GEMIN5: variants seen among roughly 807,000 people sequenced by gnomAD.
GEMIN5 encodes the protein gem-associated protein 5.
GEMIN5 carries 124 observed loss-of-function variants against 176.9 expected under a neutral mutation model. The observed-to-expected ratio is 0.70, with a 90% CI of 0.61 to 0.81. The LOEUF is 0.81. Among genes scored for constraint, GEMIN5 ranks in the 40% least tolerant of loss-of-function variants. The pLI is 0.00. For missense variants in GEMIN5, 1,843 were observed against 1,814.6 expected (o/e 1.02, Z -0.28); for synonymous variants, 673 against 665.2 (o/e 1.01, Z -0.18).
At chr5:154,930,336 T>G (rs1764136013) in intron 5 of GEMIN5, among the ~76,000 whole-genome samples, 1 of 152,228 alleles carries the variant, frequency 6.6e-6, no homozygotes, top group African/African-American at 2.4e-5. Flanking sequence ...TCACCATTGC[T>G]CCATCTGTAA....
chr5:154,904,081 G>C (rs145720289), intron 18 of GEMIN5, among the ~76,000 whole-genome samples: 37 of 151,962 alleles, frequency 2.4e-4, no homozygotes, highest in African/African-American at 7.7e-4. Flanking sequence ...CAAAGCAAAA[G>C]CTTCCATCAA....
At chr5:154,913,834 C>CA (rs1233245338) in intron 13 of GEMIN5, among the ~76,000 whole-genome samples, 3 of 151,674 alleles carry the variant, frequency 2.0e-5, no homozygotes, top group African/African-American at 7.3e-5. Flanking sequence ...AAGGAAAACA[C>CA]AAAAAACAAA....
In GEMIN5 at chr5:154,892,500, T is replaced by A; in HGVS notation, c.3647A>T (p.Gln1216Leu). ...CACAGCCTCGTCCCAGGAGGCCATC[T>A]GTTGGCTCAGCACTGCCAGGGTCAA... ...HDLTLAVLSQ[Q>L]MASWDEAVQA... is the part of the protein sequence containing the mutation. The change falls in exon 25 of 28, where the codon CAG becomes CTG. Residue 1216 changes from glutamine to leucine, a missense_variant. By Grantham distance (113) the Gln-to-Leu change is moderately radical (BLOSUM62 -2). Transcript: ENST00000285873. The A allele has an allele frequency of 6.2e-7, 1 of 1,614,186 alleles. No homozygotes were observed. Among genetic ancestry groups the A allele is most frequent in the Non-Finnish European group, 8.5e-7 (1 of 1,180,020 alleles).
intron 5 of GEMIN5, among the ~76,000 whole-genome samples, chr5:154,930,442 T>C (rs1038505744): frequency 6.6e-6 from 1 of 152,220 alleles, no homozygotes; most frequent in African/African-American, 2.4e-5. Flanking sequence ...CGAAATTTTA[T>C]TTATAACAAG....
intron 10 of GEMIN5, 74 bp downstream of exon 10, chr5:154,921,269 C>T (rs1345080183): frequency 2.5e-6 from 2 of 798,412 alleles, no homozygotes; most frequent in East Asian, 2.5e-5. Flanking sequence ...TGACTCTTTC[C>T]ATCTTTAATA....
chr5:154,898,333 G>C lies in GEMIN5; in HGVS notation c.3345+107C>G. Reference sequence around the variant, plus strand: ...AGCATGGCCAGGGCTTGCTGGGCCTGCCAAATTGGCACAGCTTGTGCAACT... The same window carrying C: ...AGCATGGCCAGGGCTTGCTGGGCCTCCCAAATTGGCACAGCTTGTGCAACT... On this transcript the variant is annotated intron_variant, in intron 23 of 27. Coordinates refer to ENST00000285873, the MANE Select transcript of GEMIN5 (RefSeq NM_015465.5). 6 of 973,796 alleles carry C rather than the reference G, an allele frequency of 6.2e-6. No homozygotes were observed. In the South Asian group the frequency reaches 8.5e-5, roughly 14 times the overall value. The allele number at this position is 973,796 out of a possible 1,614,324, so 60.3% of individuals were successfully genotyped here.
At chr5:154,908,172 C>CTTT (rs386405383) in intron 15 of GEMIN5, among the ~76,000 whole-genome samples, 1,348 of 72,968 alleles carry the variant, frequency 0.018, 299 homozygotes, top group East Asian at 0.058. Flanking sequence ...CCCAGATGTC[C>CTTT]TTTTTTTTTT....
In GEMIN5 at chr5:154,901,437, C is replaced by A. The variant is rs1209447726; in HGVS notation, c.2916G>T (p.Leu972=). ...CCTTGACATACTGATCCTGAAAACA[C>A]AGCTGTTTGGCAAAAGCTTCCACAG... ...LWAVEAFAKQ[L]CFQDQYVKAA... is the part of the protein sequence containing the mutation. Residue 972 remains leucine, a synonymous_variant, in exon 21 of 28, where the codon CTG becomes CTT. Coordinates refer to ENST00000285873, the MANE Select transcript of GEMIN5 (RefSeq NM_015465.5). 6.2e-7 allele frequency: 1 copy of A among 1,613,778 alleles called. No homozygotes were observed. The highest frequency in any genetic ancestry group is 1.3e-5 in the African/African-American group (1 of 74,908).
In GEMIN5 at chr5:154,907,526, G is replaced by A. The variant is rs986662585; in HGVS notation, c.2395+65C>T. 3.5e-5 allele frequency: 40 copies of A among 1,127,708 alleles called. No homozygotes were observed. In the East Asian group the frequency reaches 7.4e-4, roughly 21 times the overall value. 69.9% of individuals were successfully genotyped at this position (1,127,708 alleles called of 1,614,324 possible). ...ACAGCGAAGTTTCAAACTGAGTAAG[G>A]ACCTAGCTTAGTTTCCCAGACACGA... is the stretch of plus-strand genomic sequence containing the variant. On this transcript the variant is annotated intron_variant, in intron 16 of 27. Transcript: ENST00000285873.
intron 3 of GEMIN5, among the ~76,000 whole-genome samples, chr5:154,933,542 A>G (rs1307112508): frequency 2.0e-5 from 3 of 152,244 alleles, no homozygotes; most frequent in Non-Finnish European, 4.4e-5. Flanking sequence ...TTTGATGACT[A>G]GTAATGGAAC....
At chr5:154,902,883 T>C (rs1318326730) in intron 19 of GEMIN5, among the ~76,000 whole-genome samples, 197 bp downstream of exon 19, 1 of 152,090 alleles carries the variant, frequency 6.6e-6, no homozygotes, top group African/African-American at 2.4e-5. Context: ...GTACTCAGAG[T>C]GAATGCTGTA....
Position 154,934,019 on chromosome 5 carries a change from T to C in GEMIN5, c.510-1769A>G, listed in dbSNP as rs549471489. Among the ~76,000 whole-genome samples the C allele has an allele frequency of 9.1e-4, 139 of 152,244 alleles. 1 individual carries two copies. Among genetic ancestry groups the C allele is most frequent in the East Asian group, 1.3e-3 (7 of 5,186 alleles). On this transcript the variant is annotated intron_variant, in intron 3 of 27. Transcript: ENST00000285873. ...CAGATTTCATGATCCATCACTATCA[T>C]TGACTTTTTTTTTTGAGATAGAGTC...
At chr5:154,899,394 C>A in intron 21 of GEMIN5, 84 bp from the exon 22 acceptor site, 2 of 1,171,938 alleles carry the variant, frequency 1.7e-6, no homozygotes, top group Non-Finnish European at 1.2e-6. Context: ...ACAGGACAAA[C>A]TGTCCCTTTT....
At chr5:154,931,600 GT>G in intron 4 of GEMIN5, 23 bp from the exon 5 acceptor site, 1 of 1,570,674 alleles carries the variant, frequency 6.4e-7, no homozygotes, top group Non-Finnish European at 8.7e-7. Context: ...TGGCAATTTT[GT>G]TTTTAATTTA....
chr5:154,917,786 T>C (rs1763842440), intron 12 of GEMIN5, 145 bp downstream of exon 12: 1 of 647,816 alleles, frequency 1.5e-6, no homozygotes, highest in Non-Finnish European at 2.8e-6. Context: ...AAGGCACTAC[T>C]GGATCAGCGG....
rs1763200299 is a variant in GEMIN5 at position 154,890,414 on chromosome 5, T to G, written c.4262+827A>C. On this transcript the variant is annotated intron_variant, in intron 26 of 27. Coordinates refer to ENST00000285873, the MANE Select transcript of GEMIN5 (RefSeq NM_015465.5). ...AGCATATGCCCCTGCCTGGGTTACT[T>G]TTATCTCATTTTATAAATAAAATTC... Among the ~76,000 whole-genome samples, 3 of 152,050 alleles carry G rather than the reference T, an allele frequency of 2.0e-5. No homozygotes were observed. The South Asian group carries it at 6.2e-4, about 31-fold the overall frequency.
intron 24 of GEMIN5, among the ~76,000 whole-genome samples, chr5:154,895,817 G>A (rs1184307911): frequency 6.6e-6 from 1 of 152,172 alleles, no homozygotes; most frequent in African/African-American, 2.4e-5. Context: ...GAATCTGGGA[G>A]GTGGCGGCTG....
chr5:154,912,920 A>G lies in GEMIN5; in HGVS notation c.1974T>C (p.Ala658=). 2 of 1,613,954 alleles carry G rather than the reference A, an allele frequency of 1.2e-6. No individual in the cohort carries two copies. Among genetic ancestry groups the G allele is most frequent in the South Asian group, 2.2e-5 (2 of 91,058 alleles). Reference sequence around the variant, plus strand: ...GTACCTGGGCTGTACCATCATAGGAAGCAGATACCAGCCTTCCATCATGAT... The same window carrying G: ...GTACCTGGGCTGTACCATCATAGGAGGCAGATACCAGCCTTCCATCATGAT... ...SPHHDGRLVS[A]SYDGTAQVWD... Residue 658 remains alanine (A), a synonymous_variant, in exon 14 of 28, where the codon GCT becomes GCC. Transcript: ENST00000285873.
At chr5:154,901,607 C>G in intron 20 of GEMIN5, 121 bp from the exon 21 acceptor site, 1 of 743,578 alleles carries the variant, frequency 1.3e-6, no homozygotes, top group Non-Finnish European at 2.2e-6. Context: ...CATTTAGATA[C>G]CAATTCAGCT....
Sources: allele counts gnomAD v4.1 joint callset (sites outside exome capture counted in the v4.1 genomes callset), GRCh38; gene constraint gnomAD v4.1.1; transcripts MANE v1.5; gene names NCBI Gene and HGNC (gene_info 2026-07-23, HGNC 2026-07-21).